UPRT: variants seen among roughly 807,000 people sequenced by gnomAD.
UPRT encodes the protein uracil phosphoribosyltransferase homolog.
A neutral mutation model predicts 22.6 loss-of-function variants in UPRT; 5 were observed. The observed-to-expected ratio is 0.22, with a 90% CI of 0.12 to 0.47. The LOEUF is 0.47. UPRT is among the 20% of genes least tolerant of loss of function. UPRT has a pLI of 0.99. For missense variants in UPRT, 181 were observed against 239.9 expected (o/e 0.75, Z 1.62); for synonymous variants, 77 against 87.7 (o/e 0.88, Z 0.68).
At chrX:75,258,097 C>G (rs1294249689) in intron 4 of UPRT, among the ~76,000 whole-genome samples, 1 of 110,898 alleles carries the variant, frequency 9.0e-6, no homozygotes, top group Non-Finnish European at 1.9e-5. Context: ...AACCTGCAGA[C>G]CTGGAGATTC....
At chrX:75,271,747 C>T (rs1389985388), upstream of UPRT, among the ~76,000 whole-genome samples, 1 of 111,696 alleles carries the variant, frequency 9.0e-6, no homozygotes, top group Non-Finnish European at 1.9e-5. Context: ...ATCTATACAT[C>T]TGACAAAGGA....
Position 75,274,603 on chromosome X carries a change from G to T in UPRT, c.349G>T (p.Asp117Tyr). 8.3e-7 allele frequency: 1 copy of T among 1,206,424 alleles called. No homozygotes were observed. Among genetic ancestry groups the T allele is most frequent in the East Asian group, 3.0e-5 (1 of 33,713 alleles). ...GCAGCTTAAGCTGCTGCCTATGAAT[G>T]ATCAGATACGGGAGCTACAGACCAT... ...GAQLKLLPMN[D>Y]QIRELQTIIR... The change falls in exon 1 of 7, where the codon GAT becomes TAT. Residue 117 changes from aspartate (D) to tyrosine (Y), a missense_variant. Coordinates refer to ENST00000373383, the MANE Select transcript of UPRT (RefSeq NM_145052.4).
chrX:75,178,691 G>T (rs1042650321), intron 4 of UPRT, among the ~76,000 whole-genome samples: 2 of 110,488 alleles, frequency 1.8e-5, no homozygotes, highest in African/African-American at 6.6e-5. Context: ...GGAGTTGTTT[G>T]TTCCTCCCGG....
At chrX:75,249,058 A>C (rs1271880337) in intron 4 of UPRT, among the ~76,000 whole-genome samples, 2 of 111,761 alleles carry the variant, frequency 1.8e-5, no homozygotes, top group East Asian at 5.6e-4. Flanking sequence ...TCCTAAAGGA[A>C]GTGTTAAACA....
In UPRT at chrX:75,274,134, A is replaced by G; in HGVS notation, c.-121A>G. On this transcript the variant is annotated 5_prime_UTR_variant, in exon 1 of 7. Coordinates refer to ENST00000373383, the MANE Select transcript of UPRT (RefSeq NM_145052.4). ...GCGGCCTAGGGGTGAAAGGACAGCCAGGGTTAGATGTTCTGAGGAGGCGGG... is the reference window on the plus strand; with the variant it reads ...GCGGCCTAGGGGTGAAAGGACAGCCGGGGTTAGATGTTCTGAGGAGGCGGG... 1.2e-5 allele frequency: 13 copies of G among 1,040,724 alleles called. No homozygotes were observed. Among genetic ancestry groups the G allele is most frequent in the Non-Finnish European group, 1.5e-5 (12 of 785,251 alleles). 85.8% of individuals were successfully genotyped at this position (1,040,724 alleles called of 1,213,427 possible).
chrX:75,297,386 C>A, intron 3 of UPRT, 105 bp from the exon 4 acceptor site: 1 of 725,964 alleles, frequency 1.4e-6, no homozygotes, highest in Non-Finnish European at 2.1e-6. Flanking sequence ...TGTGTCTGAA[C>A]AAGGGTTGCT....
At chrX:75,189,944 G>A (rs2082308979) in intron 4 of UPRT, among the ~76,000 whole-genome samples, 1 of 111,865 alleles carries the variant, frequency 8.9e-6, no homozygotes, top group African/African-American at 3.3e-5. Context: ...TTTGCCAATT[G>A]CTTCTTTCAA....
chrX:75,243,575 G>T (rs2082494960), intron 4 of UPRT, among the ~76,000 whole-genome samples: 1 of 111,802 alleles, frequency 8.9e-6, no homozygotes, highest in Non-Finnish European at 1.9e-5. Context: ...AGTCATTAGT[G>T]AATTTTGCTT....
intron 4 of UPRT, among the ~76,000 whole-genome samples, chrX:75,202,516 GA>G (rs1230880697): frequency 9.0e-5 from 10 of 111,321 alleles, no homozygotes; most frequent in Non-Finnish European, 1.1e-4. Context: ...TAAAAAAGGA[GA>G]AAAAAATAAT....
intron 1 of UPRT, among the ~76,000 whole-genome samples, chrX:75,288,999 A>G (rs1236129677): frequency 9.0e-6 from 1 of 111,576 alleles, no homozygotes; most frequent in Non-Finnish European, 1.9e-5. Context: ...GTTTCAGAAT[A>G]CAAAATCAGT....
At chrX:75,228,762 C>A (rs2082429884) in intron 4 of UPRT, among the ~76,000 whole-genome samples, 2 of 111,469 alleles carry the variant, frequency 1.8e-5, no homozygotes, top group African/African-American at 6.5e-5. Context: ...TTTTATATAC[C>A]TTTTAGACAT....
chrX:75,203,541 C>T (rs1174403613), intron 4 of UPRT, among the ~76,000 whole-genome samples: 1 of 109,446 alleles, frequency 9.1e-6, no homozygotes, highest in African/African-American at 3.3e-5. Context: ...CACACACACA[C>T]ACGGTAGCTT....
chrX:75,252,484 A>G (rs2082534520), intron 4 of UPRT, among the ~76,000 whole-genome samples: 2 of 112,660 alleles, frequency 1.8e-5, no homozygotes, highest in Admixed American at 1.9e-4. Flanking sequence ...AATCAAAACC[A>G]CAATGAGATA....
At chrX:75,246,149 C>A (rs980137086) in intron 4 of UPRT, among the ~76,000 whole-genome samples, 67 of 109,543 alleles carry the variant, frequency 6.1e-4, no homozygotes, top group Non-Finnish European at 8.6e-4. Flanking sequence ...TACATGTCCA[C>A]AATGTGCAGG....
chrX:75,193,588 G>C (rs148439550), intron 4 of UPRT, among the ~76,000 whole-genome samples: 1 of 111,707 alleles, frequency 9.0e-6, no homozygotes, highest in South Asian at 3.8e-4. Context: ...AGGTATGCCA[G>C]TGAGTCATAG....
chrX:75,179,136 G>T (rs766264003), intron 4 of UPRT, among the ~76,000 whole-genome samples: 135 of 111,921 alleles, frequency 1.2e-3, no homozygotes, highest in Non-Finnish European at 2.2e-3. Context: ...ACAGGGTGCT[G>T]ATTGGTGTGT....
intron 1 of UPRT, among the ~76,000 whole-genome samples, chrX:75,159,575 G>A (rs1229928610): frequency 1.8e-5 from 2 of 111,126 alleles, no homozygotes; most frequent in Non-Finnish European, 3.8e-5. Context: ...AATGCCTCAG[G>A]TTGTTCATAT....
At chrX:75,201,223 A>G (rs2082346420) in intron 4 of UPRT, among the ~76,000 whole-genome samples, 1 of 112,479 alleles carries the variant, frequency 8.9e-6, no homozygotes, top group African/African-American at 3.2e-5. Context: ...CTAAAATATC[A>G]GCTTTTTAAT....
At chrX:75,232,672 G>A (rs2082443028) in intron 4 of UPRT, among the ~76,000 whole-genome samples, 1 of 112,104 alleles carries the variant, frequency 8.9e-6, no homozygotes, top group Admixed American at 9.5e-5. Flanking sequence ...GCCAGCAGGG[G>A]CAGACTGACA....
Sources: allele counts gnomAD v4.1 joint callset (sites outside exome capture counted in the v4.1 genomes callset), GRCh38; gene constraint gnomAD v4.1.1; transcripts MANE v1.5; gene names NCBI Gene and HGNC (gene_info 2026-07-23, HGNC 2026-07-21).